Variants in LSAMP observed in about 807,000 individuals in gnomAD.
LSAMP encodes the protein limbic system-associated membrane protein.
In LSAMP, 7 loss-of-function variants were observed where a neutral mutation model predicts 38.6. The ratio of observed to expected loss-of-function variants is 0.18; its 90% CI spans 0.10 to 0.34. The LOEUF (loss-of-function observed/expected upper bound fraction) is 0.34. LSAMP is among the 10% of genes least tolerant of loss of function. The pLI is 1.00. For synonymous variants in LSAMP, 154 were observed against 166.8 expected (o/e 0.92, Z 0.59); for missense variants, 313 against 420.0 (o/e 0.75, Z 2.23).
chr3:115,965,166 A>G (rs1057508025), intron 3 of LSAMP, among the ~76,000 whole-genome samples: 1 of 152,120 alleles, frequency 6.6e-6, no homozygotes, highest in Non-Finnish European at 1.5e-5. Context: ...TTTGATATAT[A>G]CAAAGAAAGT....
chr3:116,118,057 TA>T (rs919203708), intron 1 of LSAMP, among the ~76,000 whole-genome samples: 2 of 152,120 alleles, frequency 1.3e-5, no homozygotes, highest in Non-Finnish European at 2.9e-5. Flanking sequence ...AGTGGAAAAT[TA>T]AGGCTGAGAT....
chr3:115,893,230 G>A (rs1936645682), intron 3 of LSAMP, among the ~76,000 whole-genome samples: 1 of 151,830 alleles, frequency 6.6e-6, no homozygotes, highest in African/African-American at 2.4e-5. Flanking sequence ...AAACCACCAT[G>A]GCCTGTGTAT....
At chr3:116,291,300 C>A (rs1049654238) in intron 1 of LSAMP, among the ~76,000 whole-genome samples, 1 of 152,084 alleles carries the variant, frequency 6.6e-6, no homozygotes, top group Admixed American at 6.6e-5. Flanking sequence ...GAGGACTCTG[C>A]CATATGGTTT....
intron 2 of LSAMP, among the ~76,000 whole-genome samples, chr3:116,078,175 T>C (rs1306806565): frequency 6.6e-6 from 1 of 152,124 alleles, no homozygotes; most frequent in Non-Finnish European, 1.5e-5. Context: ...TATTTCTTGC[T>C]GGAATTAATT....
chr3:116,208,094 TC>T, intron 1 of LSAMP, among the ~76,000 whole-genome samples: 1 of 151,286 alleles, frequency 6.6e-6, no homozygotes, highest in Non-Finnish European at 1.5e-5. Context: ...GAGGCTTTGC[TC>T]ATTTCTTTTT....
intron 1 of LSAMP, among the ~76,000 whole-genome samples, chr3:116,181,478 A>C (rs1183085402): frequency 1.3e-5 from 2 of 152,020 alleles, no homozygotes; most frequent in South Asian, 2.1e-4. Flanking sequence ...CCAAATCTAC[A>C]CAGGAAGTTT....
intron 1 of LSAMP, among the ~76,000 whole-genome samples, chr3:116,176,433 C>T (rs868203503): frequency 6.6e-5 from 10 of 152,076 alleles, no homozygotes; most frequent in Non-Finnish European, 1.3e-4. Flanking sequence ...CAATTAGCAC[C>T]ATTCCATCAT....
rs564124693 is a variant in LSAMP at position 115,887,725 on chromosome 3, A to G, written c.515-35108T>C. 2.6e-5 allele frequency among the ~76,000 whole-genome samples: 4 copies of G among 151,956 alleles called. No homozygotes were observed. The East Asian group carries it at 7.8e-4, about 30-fold the overall frequency. ...TCAGTTTAGCAGGCATTGGGTATCT[A>G]TATATATCCACAATATTTTTAGTGA... On this transcript the variant is annotated intron_variant, in intron 3 of 6. Transcript: ENST00000490035.
At chr3:116,136,672 C>T (rs1373553271) in intron 1 of LSAMP, among the ~76,000 whole-genome samples, 1 of 152,058 alleles carries the variant, frequency 6.6e-6, no homozygotes, top group Non-Finnish European at 1.5e-5. Context: ...TTCTTATCCA[C>T]TTGTTCACTT....
chr3:116,374,661 A>C (rs1287717639), intron 1 of LSAMP, among the ~76,000 whole-genome samples: 1 of 151,970 alleles, frequency 6.6e-6, no homozygotes, highest in African/African-American at 2.4e-5. Flanking sequence ...AATAGTGAAT[A>C]ATCAGTAAAT....
intron 1 of LSAMP, among the ~76,000 whole-genome samples, chr3:116,227,624 A>C (rs935227870): frequency 1.6e-4 from 24 of 150,324 alleles, no homozygotes; most frequent in Admixed American, 1.3e-4. Flanking sequence ...ATTTTTTTTT[A>C]TCTCTCCTCT....
chr3:115,859,695 G>T (rs1184628431), intron 3 of LSAMP, among the ~76,000 whole-genome samples: 1 of 152,156 alleles, frequency 6.6e-6, no homozygotes, highest in East Asian at 1.9e-4. Context: ...TGGGCCAAAT[G>T]AAAAAGAACA....
At chr3:116,102,897 A>T (rs1223603208) in intron 1 of LSAMP, among the ~76,000 whole-genome samples, 1 of 152,208 alleles carries the variant, frequency 6.6e-6, no homozygotes, top group Non-Finnish European at 1.5e-5. Context: ...GCTCAATCAA[A>T]TGAATAATAA....
At chr3:115,844,371 C>G (rs1455532811) in intron 4 of LSAMP, among the ~76,000 whole-genome samples, 1 of 152,194 alleles carries the variant, frequency 6.6e-6, no homozygotes, top group African/African-American at 2.4e-5. Flanking sequence ...CTAACCAGAG[C>G]TGTGGTCTGG....
intron 2 of LSAMP, among the ~76,000 whole-genome samples, chr3:116,037,957 G>T (rs889986541): frequency 6.6e-6 from 1 of 152,100 alleles, no homozygotes; most frequent in African/African-American, 2.4e-5. Flanking sequence ...CATGGTTAAT[G>T]CTTCCTTATA....
In LSAMP at chr3:116,011,722, G is replaced by T. The variant is rs566766621; in HGVS notation, c.514+7793C>A. 4.6e-3 allele frequency among the ~76,000 whole-genome samples: 700 copies of T among 152,260 alleles called. 2 individuals are homozygous for T. The highest frequency in any genetic ancestry group is 0.016 in the African/African-American group (670 of 41,552). ...AGTGAATGAATTAGTAGTTTCCAAG[G>T]AAAATACTCAAGATAATGTGTGAAA... is the stretch of plus-strand genomic sequence containing the variant. On this transcript the variant is annotated intron_variant, in intron 3 of 6. Coordinates refer to ENST00000490035, the MANE Select transcript of LSAMP (RefSeq NM_002338.5).
intron 1 of LSAMP, among the ~76,000 whole-genome samples, chr3:116,373,199 C>T (rs1459354810): frequency 1.3e-5 from 2 of 151,018 alleles, no homozygotes; most frequent in South Asian, 2.1e-4. Flanking sequence ...ATAAGCAAAA[C>T]GTGTTTTTTA....
At chr3:116,056,495 A>G (rs1347699647) in intron 2 of LSAMP, among the ~76,000 whole-genome samples, 1 of 152,138 alleles carries the variant, frequency 6.6e-6, no homozygotes, top group Non-Finnish European at 1.5e-5. Flanking sequence ...GATATGTCAT[A>G]ATGGTACTTA....
intron 1 of LSAMP, among the ~76,000 whole-genome samples, chr3:116,418,246 C>G (rs1191118386): frequency 6.6e-6 from 1 of 152,176 alleles, no homozygotes; most frequent in African/African-American, 2.4e-5. Flanking sequence ...ACTGATCTCA[C>G]TTGTGAAACT....
Sources: allele counts gnomAD v4.1 joint callset (sites outside exome capture counted in the v4.1 genomes callset), GRCh38; gene constraint gnomAD v4.1.1; transcripts MANE v1.5; gene names NCBI Gene and HGNC (gene_info 2026-07-23, HGNC 2026-07-21).